DGKB: variants seen among roughly 807,000 people sequenced by gnomAD.
The protein encoded by DGKB is 90 kDa diacylglycerol kinase.
Under a neutral mutation model 114.3 loss-of-function variants are expected in DGKB, and 67 were observed. That is an observed-to-expected ratio of 0.59 (90% CI 0.48 to 0.72). The LOEUF (loss-of-function observed/expected upper bound fraction) is 0.72, where lower values mean the gene tolerates loss of function less well. DGKB is among the 30% of genes least tolerant of loss of function. The probability of loss-of-function intolerance (pLI) is 0.00; values close to 1 mark genes in which losing one functional copy is unlikely to be tolerated. For missense variants in DGKB, 907 were observed against 975.2 expected (o/e 0.93, Z 0.93); for synonymous variants, 398 against 323.1 (o/e 1.23, Z -2.49).
intron 6 of DGKB, among the ~76,000 whole-genome samples, chr7:14,704,277 TACA>T (rs1445057998): frequency 2.8e-4 from 14 of 50,866 alleles, no homozygotes; most frequent in African/African-American, 3.5e-4. Flanking sequence ...CTACTAAAAA[TACA>T]AAAAAAAAAA....
chr7:14,288,115 T>A (rs1383509642), intron 23 of DGKB, among the ~76,000 whole-genome samples: 1 of 151,988 alleles, frequency 6.6e-6, no homozygotes, highest in Non-Finnish European at 1.5e-5. Flanking sequence ...TAGTATCTTA[T>A]TGGAGCCAGA....
intron 23 of DGKB, among the ~76,000 whole-genome samples, chr7:14,238,199 G>A (rs757207716): frequency 1.3e-5 from 2 of 152,024 alleles, no homozygotes; most frequent in Non-Finnish European, 2.9e-5. Flanking sequence ...TTGAGGGAGG[G>A]ACCTGGTGGA....
intron 5 of DGKB, among the ~76,000 whole-genome samples, chr7:14,722,769 G>A (rs1008148286): frequency 1.1e-4 from 17 of 151,952 alleles, no homozygotes; most frequent in Non-Finnish European, 2.4e-4. Context: ...CCAAGATCAT[G>A]CCACTGCACT....
intron 21 of DGKB, among the ~76,000 whole-genome samples, chr7:14,474,562 G>A (rs2128896392): frequency 6.6e-6 from 1 of 152,120 alleles, no homozygotes; most frequent in South Asian, 2.1e-4. Flanking sequence ...TGCTTTGCAT[G>A]TTTTTCTAAA....
At chr7:14,155,718 A>T (rs1782915094) in intron 25 of DGKB, among the ~76,000 whole-genome samples, 1 of 152,098 alleles carries the variant, frequency 6.6e-6, no homozygotes, top group African/African-American at 2.4e-5. Context: ...GCACTGGAAA[A>T]AGAGGAAGAT....
At chr7:14,831,369 A>G (rs1846388099) in intron 2 of DGKB, among the ~76,000 whole-genome samples, 1 of 152,058 alleles carries the variant, frequency 6.6e-6, no homozygotes, top group African/African-American at 2.4e-5. Flanking sequence ...TTTCACAAGC[A>G]GAAGCATCTA....
chr7:14,576,943 G>C (rs1403395349), intron 19 of DGKB, among the ~76,000 whole-genome samples: 3 of 152,112 alleles, frequency 2.0e-5, no homozygotes, highest in South Asian at 2.1e-4. Flanking sequence ...GATTCACATA[G>C]ATAAACTCTG....
chr7:14,395,136 G>C (rs962220362), intron 21 of DGKB, among the ~76,000 whole-genome samples: 1 of 152,054 alleles, frequency 6.6e-6, no homozygotes, highest in Non-Finnish European at 1.5e-5. Flanking sequence ...GCTTTAATAG[G>C]AAAAGTAGAC....
intron 2 of DGKB, among the ~76,000 whole-genome samples, chr7:14,818,228 CCTA>C (rs1175609937): frequency 2.0e-5 from 3 of 152,266 alleles, no homozygotes; most frequent in East Asian, 1.9e-4. Context: ...GAATAATCCT[CCTA>C]CAAGTGACCA....
chr7:14,500,465 A>G (rs1785985113), intron 20 of DGKB, among the ~76,000 whole-genome samples: 1 of 144,260 alleles, frequency 6.9e-6, no homozygotes, highest in African/African-American at 2.7e-5. Flanking sequence ...CAAACTAAAA[A>G]GTTTCTTTAT....
chr7:14,671,239 G>A (rs1230711476), intron 13 of DGKB, among the ~76,000 whole-genome samples: 1 of 152,092 alleles, frequency 6.6e-6, no homozygotes, highest in Non-Finnish European at 1.5e-5. Context: ...GTGAACCCAG[G>A]AAAGATACTG....
intron 21 of DGKB, among the ~76,000 whole-genome samples, chr7:14,377,691 G>A (rs979207038): frequency 6.6e-6 from 1 of 152,126 alleles, no homozygotes; most frequent in South Asian, 2.1e-4. Flanking sequence ...CCCCCAAGAT[G>A]CCTGTGGGAA....
chr7:14,780,390 C>T (rs1838889942), intron 2 of DGKB, among the ~76,000 whole-genome samples: 1 of 152,192 alleles, frequency 6.6e-6, no homozygotes, highest in Non-Finnish European at 1.5e-5. Context: ...TTTTATTCTA[C>T]AGTTTCAAAA....
chr7:14,163,636 T>C (rs1185524826), intron 25 of DGKB, among the ~76,000 whole-genome samples: 2 of 152,208 alleles, frequency 1.3e-5, no homozygotes, highest in Non-Finnish European at 2.9e-5. Flanking sequence ...CATGCCAGTA[T>C]GTTTCAAGGG....
intron 17 of DGKB, among the ~76,000 whole-genome samples, chr7:14,597,403 A>C (rs1802768797): frequency 6.6e-6 from 1 of 152,220 alleles, no homozygotes; most frequent in African/African-American, 2.4e-5. Context: ...TTAGTATCTT[A>C]GACACCAAGA....
At chr7:14,788,238 G>C (rs998668379) in intron 2 of DGKB, among the ~76,000 whole-genome samples, 1 of 152,190 alleles carries the variant, frequency 6.6e-6, no homozygotes, top group African/African-American at 2.4e-5. Context: ...AACACAGAAA[G>C]AGCCCCATCC....
chr7:14,917,541 C>G (rs1387077409), intron 1 of DGKB, among the ~76,000 whole-genome samples: 2 of 152,012 alleles, frequency 1.3e-5, no homozygotes, highest in Non-Finnish European at 2.9e-5. Context: ...GGACTGATTC[C>G]TTGAAAGACA....
At chr7:14,306,416 GC>G (rs1360689674) in intron 23 of DGKB, among the ~76,000 whole-genome samples, 1 of 152,052 alleles carries the variant, frequency 6.6e-6, no homozygotes, top group Non-Finnish European at 1.5e-5. Flanking sequence ...ACAAGAGCCA[GC>G]TGGGGTTTTA....
chr7:14,559,858 T>TTTTTC (rs551971231), intron 20 of DGKB, among the ~76,000 whole-genome samples: 1 of 152,012 alleles, frequency 6.6e-6, no homozygotes, highest in Non-Finnish European at 1.5e-5. Flanking sequence ...AATTATTTCT[T>TTTTTC]TTTTCTTTTC....
Sources: allele counts gnomAD v4.1 joint callset (sites outside exome capture counted in the v4.1 genomes callset), GRCh38; gene constraint gnomAD v4.1.1; transcripts MANE v1.5; gene names NCBI Gene and HGNC (gene_info 2026-07-23, HGNC 2026-07-21).